The following PTPN18 variants were observed in gnomAD, a reference collection of about 807,000 sequenced individuals.
The protein encoded by PTPN18 is protein tyrosine phosphatase non-receptor type 18, also known as tyrosine-protein phosphatase non-receptor type 18.
In PTPN18, 65 loss-of-function variants were observed where a neutral mutation model predicts 65.4. The observed-to-expected ratio is 0.99, with a 90% confidence interval of 0.81 to 1.22. The LOEUF (loss-of-function observed/expected upper bound fraction) is 1.22, where lower values mean the gene tolerates loss of function less well. PTPN18 is among the 50% of genes most tolerant of loss of function. PTPN18 has a pLI of 0.00. For missense variants in PTPN18, 616 were observed against 646.5 expected, an observed-to-expected ratio of 0.95 and a Z score of 0.51; for synonymous variants, 255 against 267.8, an observed-to-expected ratio of 0.95 and a Z score of 0.47.
chr2:130,369,325 C>A, intron 6 of PTPN18, 124 bp downstream of exon 6: 2 of 882,594 alleles, frequency 2.3e-6, no homozygotes, highest in Non-Finnish European at 3.5e-6. Context: ...TGTTAGCCTG[C>A]AAATAGTTAG....
Position 130,370,158 on chromosome 2 carries a change from A to G in PTPN18, c.657A>G (p.Gly219=), listed in dbSNP as rs1269088800. Residue 219 remains glycine, a synonymous_variant, in exon 8 of 15, where the codon GGA becomes GGG. Transcript: ENST00000175756. ...AMVEEARRLQ[G]SGPEPLCVHC... is the part of the protein sequence containing the mutation. The stretch of plus-strand genomic sequence containing the variant: ...TGGAGGAAGCCCGTCGCCTCCAGGG[A>G]TCTGGCCCTGAACCCCTCTGTGTCC... 1 of 1,613,324 alleles carries G rather than the reference A, an allele frequency of 6.2e-7. No homozygotes were observed. The highest frequency in any genetic ancestry group is 8.5e-7 in the Non-Finnish European group (1 of 1,180,010).
chr2:130,364,759 G>T (rs185210328), intron 5 of PTPN18, among the ~76,000 whole-genome samples: 2 of 152,218 alleles, frequency 1.3e-5, no homozygotes, highest in Middle Eastern at 3.2e-3. Flanking sequence ...TCGCACCACC[G>T]CACTCCAGCC....
At chr2:130,370,463 G>T (rs562841540) in intron 8 of PTPN18, 94 bp from the exon 9 acceptor site, 5 of 1,396,374 alleles carry the variant, frequency 3.6e-6, no homozygotes, top group East Asian at 2.3e-5. Flanking sequence ...CTCTGCAGGG[G>T]ATCCATCAGG....
intron 5 of PTPN18, among the ~76,000 whole-genome samples, chr2:130,367,554 A>G (rs1680425402): frequency 6.6e-6 from 1 of 152,036 alleles, no homozygotes; most frequent in African/African-American, 2.4e-5. Context: ...TGTGTCTGTA[A>G]TCCCAGCTAC....
At chr2:130,360,290 G>T (rs1169708805) in intron 5 of PTPN18, among the ~76,000 whole-genome samples, 1 of 152,148 alleles carries the variant, frequency 6.6e-6, no homozygotes, top group Non-Finnish European at 1.5e-5. Context: ...GATCCACAAG[G>T]CCAGGGATTT....
intron 5 of PTPN18, among the ~76,000 whole-genome samples, chr2:130,361,117 T>C (rs908724919): frequency 1.3e-5 from 2 of 152,270 alleles, no homozygotes; most frequent in South Asian, 4.1e-4. Context: ...AAAGACACTT[T>C]TATATCTTTA....
In PTPN18 at chr2:130,370,072, C is replaced by T. The variant is rs780366291; in HGVS notation, c.571C>T (p.Gln191Ter). 9 of 1,614,038 alleles carry T rather than the reference C, an allele frequency of 5.6e-6. No individual in the cohort carries two copies. The highest frequency in any genetic ancestry group is 3.3e-5 in the South Asian group (3 of 91,080). Residue 191 changes from glutamine (Q) to a stop codon, truncating the protein, a stop_gained, in exon 8 of 15, where the codon CAG becomes TAG. Transcript: ENST00000175756. LOFTEE classifies it high-confidence loss of function. Reference sequence around the variant, plus strand: ...GGAGTCCCGTTCTGTGTACCAGCTACAGTATATGTCCTGGCCAGACCGTGG... The same window carrying T: ...GGAGTCCCGTTCTGTGTACCAGCTATAGTATATGTCCTGGCCAGACCGTGG... ...QKESRSVYQL[Q>*]YMSWPDRGVP...
chr2:130,367,995 T>C (rs1680440697), intron 5 of PTPN18, among the ~76,000 whole-genome samples: 1 of 152,184 alleles, frequency 6.6e-6, no homozygotes. Flanking sequence ...TCATGTCTAT[T>C]GATCCTTTCT....
At position 130,356,090 on chromosome 2, in the gene PTPN18, T is replaced by G; in HGVS notation, c.-18T>G. ...GCGCGCGCGGCGGCCGGGCTGGACC[T>G]TGCTGGCCCGCGGCGCCATGAGCCG... On this transcript the variant is annotated 5_prime_UTR_variant, in exon 1 of 15. Coordinates refer to ENST00000175756, the MANE Select transcript of PTPN18 (RefSeq NM_014369.4). The G allele has an allele frequency of 7.8e-7, 1 of 1,287,014 alleles. No individual in the cohort carries two copies. Among genetic ancestry groups the G allele is most frequent in the South Asian group, 2.3e-5 (1 of 42,746 alleles). The allele number at this position is 1,287,014 out of a possible 1,614,324, so 79.7% of individuals were successfully genotyped here.
In PTPN18 at chr2:130,369,778, G is replaced by A. The variant is rs1257668732; in HGVS notation, c.497G>A (p.Trp166Ter). The stretch of plus-strand genomic sequence containing the variant: ...CCCCTTACTCAGATAAAGGAGAAGT[G>A]GCTGAATGAGGACATCATGCTCAGG... ...LFCITLIKEK[W>*]LNEDIMLRTL... The change falls in exon 7 of 15, where the codon TGG becomes TAG. Residue 166 changes from tryptophan (W) to a stop codon, truncating the protein, a stop_gained. Transcript: ENST00000175756. LOFTEE classifies it high-confidence loss of function. 17 of 1,600,456 alleles carry A rather than the reference G, an allele frequency of 1.1e-5. No homozygotes were observed. The highest frequency in any genetic ancestry group is 1.5e-5 in the Non-Finnish European group (17 of 1,168,094).
intron 5 of PTPN18, among the ~76,000 whole-genome samples, chr2:130,363,376 G>T (rs1338975833): frequency 6.6e-6 from 1 of 151,966 alleles, no homozygotes; most frequent in Non-Finnish European, 1.5e-5. Context: ...GAACCAGGGA[G>T]TTGGAGGTTG....
Position 130,371,270 on chromosome 2 carries a change from A to G in PTPN18, c.996A>G (p.Pro332=), listed in dbSNP as rs1190320140. 6.2e-7 allele frequency: 1 copy of G among 1,602,554 alleles called. No individual in the cohort carries two copies. The highest frequency in any genetic ancestry group is 8.5e-7 in the Non-Finnish European group (1 of 1,173,430). The change falls in exon 12 of 15, where the codon CCA becomes CCG. Residue 332 remains proline (P), a synonymous_variant. Transcript: ENST00000175756. ...TPQALLAIPR[P]PGGVLRSISV... ...AGGCACTTCTCGCCATACCCCGCCC[A>G]CCAGGAGGGGTCCTCAGGTACCCGG...
In PTPN18 at chr2:130,373,192, C is replaced by G. The variant is rs752555774; in HGVS notation, c.1351C>G (p.Arg451Gly). 6.2e-7 allele frequency: 1 copy of G among 1,601,414 alleles called. No individual in the cohort carries two copies. Among genetic ancestry groups the G allele is most frequent in the Non-Finnish European group, 8.5e-7 (1 of 1,174,076 alleles). Residue 451 changes from arginine (R) to glycine (G), a missense_variant, in exon 15 of 15, where the codon CGG becomes GGG. Coordinates refer to ENST00000175756, the MANE Select transcript of PTPN18 (RefSeq NM_014369.4). This position sits in a 1 kb window ranked among gnomAD's most constrained non-coding sequence, Gnocchi z 4.1. ...NLRIGRPKGPRDPPAEWTRV is the reference protein window; with the variant it reads ...NLRIGRPKGPGDPPAEWTRV ...GCGCATTGGGAGGCCGAAGGGTCCC[C>G]GGGACCCGCCTGCTGAGTGGACCCG...
Position 130,359,610 on chromosome 2 carries a change from G to A in PTPN18, c.378G>A (p.Val126=), listed in dbSNP as rs905187912. ...CTCCCCTGACCCTCCTTGTCTAGGT[G>A]ATCCTGATGGCCTGTCGAGAGATAG... ...WRLVWEFGVK[V]ILMACREIEN... The change falls in exon 5 of 15, where the codon GTG becomes GTA. Residue 126 remains valine (V), a splice_region_variant and synonymous_variant. Transcript: ENST00000175756. 6.2e-7 allele frequency: 1 copy of A among 1,613,956 alleles called. No homozygotes were observed. Among genetic ancestry groups the A allele is most frequent in the African/African-American group, 1.3e-5 (1 of 74,878 alleles).
rs1039392809 is a variant in PTPN18 at position 130,370,120 on chromosome 2, A to C, written c.619A>C (p.Met207Leu). 1.2e-6 allele frequency: 2 copies of C among 1,614,116 alleles called. No individual in the cohort carries two copies. The highest frequency in any genetic ancestry group is 1.7e-5 in the Admixed American group (1 of 60,024). The change falls in exon 8 of 15, where the codon ATG (methionine) becomes CTG (leucine). Residue 207 changes from methionine (M) to leucine (L), a missense_variant. Transcript: ENST00000175756. ...DRGVPSSPDHMLAMVEEARRL... is the reference protein window; with the variant it reads ...DRGVPSSPDHLLAMVEEARRL... ...TGGGGTCCCCAGCAGTCCTGACCAC[A>C]TGCTCGCCATGGTGGAGGAAGCCCG...
rs1263868724 is a variant in PTPN18, at chr2:130,359,404, A to T, written c.287A>T (p.Asp96Val). Reference protein sequence around the residue: ...YINGNFIRGVDGSLAYIATQG... With the variant: ...YINGNFIRGVVGSLAYIATQG... ...GAATTCGGCCTTCACCAGGGCGTGG[A>T]TGGAAGCCTGGCCTACATTGCCACG... is the stretch of plus-strand genomic sequence containing the variant. The change falls in exon 4 of 15, where the codon GAT (aspartate) becomes GTT (valine). Residue 96 changes from aspartate (D) to valine (V), a missense_variant. Around this residue, in one of 3 missense-constraint regions of PTPN18, gnomAD observed 223 missense variants for 210.0 expected, o/e 1.06. Coordinates refer to ENST00000175756, the MANE Select transcript of PTPN18 (RefSeq NM_014369.4). 3.7e-6 allele frequency: 6 copies of T among 1,614,034 alleles called. No homozygotes were observed. Among genetic ancestry groups the T allele is most frequent in the Non-Finnish European group, 5.1e-6 (6 of 1,180,014 alleles).
At chr2:130,372,180 G>A in intron 12 of PTPN18, 77 bp from the exon 13 acceptor site, 3 of 1,383,674 alleles carry the variant, frequency 2.2e-6, no homozygotes, top group Admixed American at 4.4e-5. Flanking sequence ...CCCGTGGTTT[G>A]CGCGCTGAGC....
Position 130,359,511 on chromosome 2 carries a change from G to T in PTPN18, c.375+19G>T, listed in dbSNP as rs749089507. On this transcript the variant is annotated intron_variant, in intron 4 of 14. Transcript: ENST00000175756. Reference sequence around the variant, plus strand: ...GGTCAAGGTCAGCACTTGGGGGTGCGGCACAATGGTGGGGTCAACATCTAA... The same window carrying T: ...GGTCAAGGTCAGCACTTGGGGGTGCTGCACAATGGTGGGGTCAACATCTAA... 17 of 1,613,576 alleles carry T rather than the reference G, an allele frequency of 1.1e-5. No homozygotes were observed. The highest frequency in any genetic ancestry group is 1.4e-5 in the Non-Finnish European group (17 of 1,179,582).
intron 5 of PTPN18, chr2:130,362,096 G>A: frequency 2.1e-6 from 1 of 469,202 alleles, no homozygotes. Flanking sequence ...GCCTCCCTGA[G>A]GAGTTGGGAC....
Sources: gnomAD v4.1 joint callset for allele counts (sites outside exome capture counted in the v4.1 genomes callset) on GRCh38, gnomAD v4.1.1 for gene constraint, gnomAD v4.1.1 regional missense constraint, Gnocchi (gnomAD v3.1) non-coding constraint, MANE v1.5 for transcripts, NCBI Gene and HGNC (gene_info 2026-07-23, HGNC 2026-07-21) for gene names.